The following ORC3 variants were observed in gnomAD, a reference collection of about 807,000 sequenced individuals.
The protein encoded by ORC3 is homolog of latheo, Drosophila.
ORC3 carries 78 observed loss-of-function variants against 100.7 expected under a neutral mutation model. The observed-to-expected ratio is 0.77, with a 90% CI of 0.65 to 0.94. The LOEUF (loss-of-function observed/expected upper bound fraction) is 0.94. Among genes scored for constraint, ORC3 ranks in the 40% least tolerant of loss-of-function variants. The pLI, the probability that ORC3 is intolerant of heterozygous loss-of-function variation, is 0.00. For missense variants in ORC3, 789 were observed against 823.9 expected (o/e 0.96, Z 0.52); for synonymous variants, 295 against 289.3 (o/e 1.02, Z -0.20).
chr6:87,675,704 T>A, the ORC3 span: 1 of 1,521,136 alleles, frequency 6.6e-7, no homozygotes, highest in Non-Finnish European at 9.0e-7. Flanking sequence ...GGTATTTAAG[T>A]AACCAAAAGA....
chr6:87,665,008 T>C, intron 18 of ORC3, 149 bp downstream of exon 18: 2 of 591,490 alleles, frequency 3.4e-6, no homozygotes, highest in East Asian at 6.0e-5. Context: ...ATTTCAAACT[T>C]TAAAAGTTCC....
chr6:87,620,954 A>G (rs1021599759), intron 9 of ORC3, among the ~76,000 whole-genome samples: 12 of 152,186 alleles, frequency 7.9e-5, no homozygotes, highest in African/African-American at 2.2e-4. Flanking sequence ...TATTTTTTGT[A>G]ACAGACCAGT....
chr6:87,622,044 C>A (rs374185327), intron 11 of ORC3, 31 bp downstream of exon 11: 21 of 1,413,052 alleles, frequency 1.5e-5, no homozygotes, highest in Non-Finnish European at 2.1e-5. Flanking sequence ...CAGTTTCATT[C>A]TCTTTTTCCT....
At chr6:87,673,340 G>A in the ORC3 span, among the ~76,000 whole-genome samples, 1 of 151,780 alleles carries the variant, frequency 6.6e-6, no homozygotes, top group Non-Finnish European at 1.5e-5. Context: ...GCTGGGAACT[G>A]TTTTGTCCCT....
In ORC3 at chr6:87,605,924, T is replaced by C. The variant is rs771312853; in HGVS notation, c.330T>C (p.Asn110=). The C allele has an allele frequency of 1.2e-5, 19 of 1,566,856 alleles. No homozygotes were observed. Among genetic ancestry groups the C allele is most frequent in the Admixed American group, 1.2e-4 (7 of 59,682 alleles). The part of the protein sequence containing the change: ...IPTAALVLGV[N]VTDHDLTFGS... The stretch of plus-strand genomic sequence containing the variant: ...TGATGTATTATCTCATAGGTGTGAA[T>C]GTCACAGATCATGATTTGACATTCG... The change falls in exon 5 of 20, where the codon AAT becomes AAC. Residue 110 remains asparagine (N), a synonymous_variant. Coordinates refer to ENST00000392844, the MANE Select transcript of ORC3 (RefSeq NM_012381.4).
chr6:87,636,600 T>C, intron 13 of ORC3, 114 bp downstream of exon 13: 2 of 672,000 alleles, frequency 3.0e-6, no homozygotes, highest in Admixed American at 5.0e-5. Context: ...CCATGTTGTG[T>C]CTAAGAATAT....
intron 13 of ORC3, chr6:87,650,988 C>G: frequency 2.8e-6 from 1 of 360,632 alleles, no homozygotes; most frequent in South Asian, 2.1e-5. Flanking sequence ...GCCTGAGCAA[C>G]AAGAGCAAAA....
At chr6:87,666,686 G>A (rs1055296790) in intron 19 of ORC3, among the ~76,000 whole-genome samples, 1 of 152,012 alleles carries the variant, frequency 6.6e-6, no homozygotes, top group East Asian at 1.9e-4. Flanking sequence ...TGATCTGCCT[G>A]CCTCGGCCTC....
intron 9 of ORC3, among the ~76,000 whole-genome samples, chr6:87,618,732 T>C (rs1779335493): frequency 6.7e-6 from 1 of 150,046 alleles, no homozygotes; most frequent in Non-Finnish European, 1.5e-5. Flanking sequence ...TGAGATCGAA[T>C]AAAAAAACCT....
intron 14 of ORC3, among the ~76,000 whole-genome samples, chr6:87,653,850 C>G (rs546478636): frequency 1.3e-5 from 2 of 152,280 alleles, no homozygotes; most frequent in African/African-American, 4.8e-5. Flanking sequence ...TGCTTGACCT[C>G]CACATGATCA....
At chr6:87,662,962 C>T (rs1770310430) in intron 16 of ORC3, 41 bp from the exon 17 acceptor site, 1 of 1,428,644 alleles carries the variant, frequency 7.0e-7, no homozygotes, top group African/African-American at 1.4e-5. Context: ...GAAAATAAAC[C>T]TGTGCTTATC....
At position 87,653,224 on chromosome 6, in the gene ORC3, C is replaced by G; in HGVS notation, c.1491C>G (p.Phe497Leu). ...GCACAGCTAAGAGAATAGAGGAGTT[C>G]CTGGCCCAGTTTCAGAGCCTCGATG... is the stretch of plus-strand genomic sequence containing the variant. Reference protein sequence around the residue: ...LGSTAKRIEEFLAQFQSLDET... With the variant: ...LGSTAKRIEELLAQFQSLDET... The change falls in exon 14 of 20, where the codon TTC becomes TTG. Residue 497 changes from phenylalanine (F) to leucine (L), a missense_variant. This residue lies in a region of ORC3 where 366 missense variants were observed against 394.2 expected (regional missense o/e 0.93). Coordinates refer to ENST00000392844, the MANE Select transcript of ORC3 (RefSeq NM_012381.4). The G allele has an allele frequency of 6.2e-7, 1 of 1,613,734 alleles. No individual in the cohort carries two copies. The highest frequency in any genetic ancestry group is 8.5e-7 in the Non-Finnish European group (1 of 1,179,768).
chr6:87,674,405 C>A, the ORC3 span, among the ~76,000 whole-genome samples: 1 of 149,318 alleles, frequency 6.7e-6, no homozygotes, highest in Non-Finnish European at 1.5e-5. Flanking sequence ...TACTAGAATT[C>A]AACAAATGAA....
In ORC3 at chr6:87,598,569, C is replaced by A. The variant is rs151084480; in HGVS notation, c.80-3215C>A. Among the ~76,000 whole-genome samples, 11 of 151,418 alleles carry A rather than the reference C, an allele frequency of 7.3e-5. No individual in the cohort carries two copies. In the East Asian group the frequency reaches 2.1e-3, roughly 29 times the overall value. ...TTTTTGTATTGAATTTAAGCTACAA[C>A]TTATTAGGATTGGTTTATAGTTTTT... is the stretch of plus-strand genomic sequence containing the variant. On this transcript the variant is annotated intron_variant, in intron 2 of 19. Transcript: ENST00000392844.
chr6:87,662,629 G>T (rs999936993), intron 16 of ORC3, among the ~76,000 whole-genome samples: 2 of 152,108 alleles, frequency 1.3e-5, no homozygotes, highest in African/African-American at 4.8e-5. Flanking sequence ...TTTACTTTAA[G>T]AAATGCTATC....
chr6:87,613,955 G>A (rs1050121071), intron 8 of ORC3, among the ~76,000 whole-genome samples: 2 of 152,198 alleles, frequency 1.3e-5, no homozygotes, highest in African/African-American at 2.4e-5. Flanking sequence ...ATTCTGGGGT[G>A]TAGAGGATGG....
In ORC3 at chr6:87,607,668, C is replaced by T. The variant is rs371063442; in HGVS notation, c.428-5C>T. 3.2e-6 allele frequency: 5 copies of T among 1,585,042 alleles called. No homozygotes were observed. The African/African-American group carries it at 4.1e-5, about 13-fold the overall frequency. ...ATAAGCTTTCTTACTTTTTATATTCCACAGATATGAAACATTTTTTGCAAA... is the reference window on the plus strand; with the variant it reads ...ATAAGCTTTCTTACTTTTTATATTCTACAGATATGAAACATTTTTTGCAAA... On this transcript the variant is annotated splice_polypyrimidine_tract_variant and splice_region_variant and intron_variant, in intron 5 of 19. Transcript: ENST00000392844.
intron 9 of ORC3, among the ~76,000 whole-genome samples, chr6:87,619,586 A>G (rs1468227187): frequency 6.6e-6 from 1 of 152,048 alleles, no homozygotes. Context: ...TTGTATTTTT[A>G]GTAGAGATGG....
chr6:87,664,801 T>C lies in ORC3; in HGVS notation c.1892T>C (p.Ile631Thr). Residue 631 changes from isoleucine to threonine, a missense_variant, in exon 18 of 20, where the codon ATA becomes ACA. By Grantham distance (89) the Ile-to-Thr change is moderately conservative (BLOSUM62 -1). Around this residue, in one of 3 missense-constraint regions of ORC3, gnomAD observed 366 missense variants for 394.2 expected, o/e 0.93. Coordinates refer to ENST00000392844, the MANE Select transcript of ORC3 (RefSeq NM_012381.4). ...CCGAATATCGCCCCAGACATCTGCA[T>C]AGCATACAAACTGCACCTAGAGTGT... ...CIPNIAPDIC[I>T]AYKLHLECSR... is the part of the protein sequence containing the mutation. 6.2e-7 allele frequency: 1 copy of C among 1,614,166 alleles called. No homozygotes were observed. Among genetic ancestry groups the C allele is most frequent in the Non-Finnish European group, 8.5e-7 (1 of 1,179,984 alleles).
Sources: gnomAD v4.1 joint callset for allele counts (sites outside exome capture counted in the v4.1 genomes callset) on GRCh38, gnomAD v4.1.1 for gene constraint, gnomAD v4.1.1 regional missense constraint, MANE v1.5 for transcripts, NCBI Gene and HGNC (gene_info 2026-07-23, HGNC 2026-07-21) for gene names.